Variants in TAFA5 observed in about 807,000 individuals in gnomAD.
The protein encoded by TAFA5 is chemokine-like protein TAFA-5.
A neutral mutation model predicts 15.3 loss-of-function variants in TAFA5; 6 were observed. The ratio of observed to expected loss-of-function variants is 0.39; its 90% CI spans 0.21 to 0.77. TAFA5 has a LOEUF of 0.77. Ranked by LOEUF, TAFA5 falls within the 30% of genes least tolerant of loss-of-function variation. TAFA5 has a pLI of 0.41. For missense variants in TAFA5, 161 were observed against 193.1 expected, an observed-to-expected ratio of 0.83 and a Z score of 0.98; for synonymous variants, 103 against 80.7, an observed-to-expected ratio of 1.28 and a Z score of -1.48.
At chr22:48,496,620 C>T (rs1245660784) in intron 1 of TAFA5, among the ~76,000 whole-genome samples, 1 of 152,170 alleles carries the variant, frequency 6.6e-6, no homozygotes, top group African/African-American at 2.4e-5. Flanking sequence ...TGACGTCACC[C>T]ACTCCACCCA....
In TAFA5 at chr22:48,530,897, T is replaced by C. The variant is rs1476145514; in HGVS notation, c.112+41193T>C. Among the ~76,000 whole-genome samples, 1 of 152,168 alleles carries C rather than the reference T, an allele frequency of 6.6e-6. No homozygotes were observed. Among genetic ancestry groups the C allele is most frequent in the Non-Finnish European group, 1.5e-5 (1 of 68,036 alleles). On this transcript the variant is annotated intron_variant, in intron 1 of 3. Coordinates refer to ENST00000402357, the MANE Select transcript of TAFA5 (RefSeq NM_001082967.3). The surrounding 1 kb of genome is among the most constrained non-coding windows in gnomAD (Gnocchi z 6.0). Reference sequence around the variant, plus strand: ...GGGTTCCAAATGAAAGTGGCTGAGATGTCACAGTGACATGACAGACTGAGC... The same window carrying C: ...GGGTTCCAAATGAAAGTGGCTGAGACGTCACAGTGACATGACAGACTGAGC...
Position 48,633,092 on chromosome 22 carries a change from G to A in TAFA5, c.113-13505G>A, listed in dbSNP as rs114850770. On this transcript the variant is annotated intron_variant, in intron 1 of 3. Transcript: ENST00000402357. ...TGGAGGCAATTCCCAGGGGCTCCCA[G>A]GGGCTGGACCACAGGGTCTCCCAGC... 9.5e-4 allele frequency among the ~76,000 whole-genome samples: 144 copies of A among 152,258 alleles called. 1 individual carries two copies. Among genetic ancestry groups the A allele is most frequent in the African/African-American group, 3.4e-3 (143 of 41,556 alleles).
chr22:48,708,417 A>G (rs898058013), intron 3 of TAFA5, among the ~76,000 whole-genome samples: 2 of 152,176 alleles, frequency 1.3e-5, no homozygotes, highest in Non-Finnish European at 2.9e-5. Flanking sequence ...GCCACGGCTG[A>G]CCTGGGTCTC....
chr22:48,694,792 C>T (rs1480936578), intron 2 of TAFA5, among the ~76,000 whole-genome samples: 4 of 119,538 alleles, frequency 3.3e-5, no homozygotes, highest in East Asian at 2.6e-4. Flanking sequence ...CACCCCCCAC[C>T]GCTCCAGACC....
intron 1 of TAFA5, among the ~76,000 whole-genome samples, chr22:48,563,501 C>G (rs953786782): frequency 6.6e-6 from 1 of 152,192 alleles, no homozygotes; most frequent in Non-Finnish European, 1.5e-5. Context: ...GTGTGGGGCT[C>G]CTCTTGTCTC....
chr22:48,527,710 G>A (rs1364115590), intron 1 of TAFA5, among the ~76,000 whole-genome samples: 1 of 152,234 alleles, frequency 6.6e-6, no homozygotes, highest in East Asian at 1.9e-4. Context: ...AGGATCCGGG[G>A]CTCTGTGGGC....
At chr22:48,517,329 G>C (rs1921446188) in intron 1 of TAFA5, among the ~76,000 whole-genome samples, 1 of 152,154 alleles carries the variant, frequency 6.6e-6, no homozygotes, top group African/African-American at 2.4e-5. Flanking sequence ...ATTCTCCCCA[G>C]GTCCCAGGTC....
intron 3 of TAFA5, among the ~76,000 whole-genome samples, chr22:48,717,697 G>T (rs7291806): frequency 1.3e-5 from 2 of 152,188 alleles, no homozygotes; most frequent in Non-Finnish European, 2.9e-5. Flanking sequence ...GAGAGTTCCA[G>T]TGCTTCCCAG....
intron 1 of TAFA5, among the ~76,000 whole-genome samples, chr22:48,559,332 T>C (rs540201444): frequency 8.5e-5 from 13 of 152,300 alleles, no homozygotes; most frequent in Non-Finnish European, 1.2e-4. Context: ...CTCTGAGCCC[T>C]CAGCCATCAC....
chr22:48,538,655 G>A (rs909146384), intron 1 of TAFA5, among the ~76,000 whole-genome samples: 9 of 152,152 alleles, frequency 5.9e-5, no homozygotes, highest in African/African-American at 2.2e-4. Flanking sequence ...TCTCTTCCAC[G>A]CGTCTCTGTG....
At chr22:48,705,180 T>TGG (rs775439489) in intron 2 of TAFA5, among the ~76,000 whole-genome samples, 2 of 152,034 alleles carry the variant, frequency 1.3e-5, no homozygotes, top group African/African-American at 4.8e-5. Flanking sequence ...GGAAAGGGAT[T>TGG]GGGGGTAGCC....
At chr22:48,549,126 C>T (rs543606519) in intron 1 of TAFA5, among the ~76,000 whole-genome samples, 1 of 152,360 alleles carries the variant, frequency 6.6e-6, no homozygotes, top group South Asian at 2.1e-4. Flanking sequence ...CCACACCTTT[C>T]TCAAAGGGAA....
intron 2 of TAFA5, among the ~76,000 whole-genome samples, chr22:48,698,814 C>T (rs1394805101): frequency 1.5e-5 from 2 of 134,052 alleles, no homozygotes; most frequent in Non-Finnish European, 3.2e-5. Context: ...CGGGGCTGTG[C>T]GCTTACCTGC....
intron 1 of TAFA5, among the ~76,000 whole-genome samples, chr22:48,495,992 G>A (rs560316504): frequency 7.2e-5 from 11 of 152,192 alleles, no homozygotes; most frequent in Non-Finnish European, 5.9e-5. Flanking sequence ...CACATACTCC[G>A]GATTGGACAT....
intron 1 of TAFA5, chr22:48,544,615 TAGG>T (rs1922591247): frequency 4.4e-6 from 2 of 450,082 alleles, no homozygotes; most frequent in East Asian, 1.4e-4. Context: ...CACAGCTGGC[TAGG>T]TGCCTTGCAT....
chr22:48,646,357 G>T (rs116480065), intron 1 of TAFA5, among the ~76,000 whole-genome samples: 1 of 152,224 alleles, frequency 6.6e-6, no homozygotes, highest in Non-Finnish European at 1.5e-5. Context: ...CAGCACCACC[G>T]CCTGAACACC....
At chr22:48,544,706 GA>G (rs1281089892) in intron 1 of TAFA5, 1 of 471,302 alleles carries the variant, frequency 2.1e-6, no homozygotes. Flanking sequence ...GCCCGCAGAT[GA>G]GGGTGCATGT....
chr22:48,671,723 A>C (rs1372096402), intron 2 of TAFA5, among the ~76,000 whole-genome samples: 1 of 152,166 alleles, frequency 6.6e-6, no homozygotes. Flanking sequence ...AACACAAGCA[A>C]ACAGTGGCCC....
At chr22:48,648,569 A>G (rs1391259354) in intron 2 of TAFA5, among the ~76,000 whole-genome samples, 1 of 152,168 alleles carries the variant, frequency 6.6e-6, no homozygotes, top group African/African-American at 2.4e-5. Flanking sequence ...AGCCAGGCGC[A>G]GTAGCTCACG....
Sources: gnomAD v4.1 joint callset for allele counts (sites outside exome capture counted in the v4.1 genomes callset) on GRCh38, gnomAD v4.1.1 for gene constraint, Gnocchi (gnomAD v3.1) non-coding constraint, MANE v1.5 for transcripts, NCBI Gene and HGNC (gene_info 2026-07-23, HGNC 2026-07-21) for gene names.